THTPA: variants seen among roughly 807,000 people sequenced by gnomAD.
The protein encoded by THTPA is thiamine-triphosphatase.
Under a neutral mutation model 16.5 loss-of-function variants are expected in THTPA, and 16 were observed. The observed-to-expected ratio is 0.97, with a 90% CI of 0.66 to 1.47. THTPA has a LOEUF of 1.47. Among genes scored for constraint, THTPA ranks in the 40% most tolerant of loss-of-function variants. The pLI is 0.00. For synonymous variants in THTPA, 110 were observed against 115.5 expected, an observed-to-expected ratio of 0.95 and a Z score of 0.30; for missense variants, 281 against 280.9, an observed-to-expected ratio of 1.00 and a Z score of 0.00.
the THTPA span, chr14:23,534,998 G>A: frequency 6.5e-7 from 1 of 1,536,010 alleles, no homozygotes; most frequent in Non-Finnish European, 8.7e-7. This position sits in a 1 kb window ranked among gnomAD's most constrained non-coding sequence, Gnocchi z 4.5. Flanking sequence ...TGGTTGCTTA[G>A]GTCCATGGGA....
the THTPA span, chr14:23,526,872 A>T: frequency 1.4e-5 from 21 of 1,533,516 alleles, no homozygotes; most frequent in Non-Finnish European, 1.8e-5. Context: ...TGCTCGGTGT[A>T]GGCTCTGGCC....
At chr14:23,520,399 G>A in the THTPA span, among the ~76,000 whole-genome samples, 1 of 151,640 alleles carries the variant, frequency 6.6e-6, no homozygotes, top group East Asian at 1.9e-4. This position sits in a 1 kb window ranked among gnomAD's most constrained non-coding sequence, Gnocchi z 8.7. Flanking sequence ...GCCTCCAGGG[G>A]GGCAGCAGGG....
the THTPA span, chr14:23,531,876 C>T: frequency 9.2e-5 from 93 of 1,016,336 alleles, no homozygotes; most frequent in Non-Finnish European, 1.1e-4. Context: ...CTCCTGGGTT[C>T]AGTGATTCTC....
chr14:23,525,626 G>A, the THTPA span: 1 of 1,535,902 alleles, frequency 6.5e-7, no homozygotes. This position sits in a 1 kb window ranked among gnomAD's most constrained non-coding sequence, Gnocchi z 5.9. Flanking sequence ...GGCTTTGGCT[G>A]CAGTGCGGGC....
In THTPA at chr14:23,558,750, C is replaced by T. The variant is rs1167670234; in HGVS notation, c.603C>T (p.Phe201=). The part of the protein sequence containing the change: ...PAKLIVYLQR[F]RPQDYQRLLE... ...AGCTGATTGTGTATCTACAGCGTTTCCGGCCTCAAGACTATCAGCGCCTGC... is the reference window on the plus strand; with the variant it reads ...AGCTGATTGTGTATCTACAGCGTTTTCGGCCTCAAGACTATCAGCGCCTGC... The change falls in exon 2 of 2, where the codon TTC becomes TTT. Residue 201 remains phenylalanine, a synonymous_variant. Coordinates refer to ENST00000288014, the MANE Select transcript of THTPA (RefSeq NM_024328.6). 1.2e-6 allele frequency: 2 copies of T among 1,614,096 alleles called. No homozygotes were observed. The highest frequency in any genetic ancestry group is 2.2e-5 in the East Asian group (1 of 44,894).
chr14:23,522,333 G>A, the THTPA span: 50 of 1,533,566 alleles, frequency 3.3e-5, no homozygotes, highest in Admixed American at 7.9e-5. Context: ...CACAGGTAGC[G>A]ATGGGTTACA....
the THTPA span, chr14:23,535,101 C>A: frequency 3.3e-6 from 5 of 1,536,194 alleles, no homozygotes; most frequent in Non-Finnish European, 4.4e-6. The surrounding 1 kb of genome is among the most constrained non-coding windows in gnomAD (Gnocchi z 4.5). Context: ...CTTCCTGGGG[C>A]TCCCCAATCT....
chr14:23,548,206 C>G, the THTPA span, among the ~76,000 whole-genome samples: 7 of 152,184 alleles, frequency 4.6e-5, no homozygotes, highest in African/African-American at 1.7e-4. Context: ...CCGTCTCTGC[C>G]TGCCTTTTGA....
chr14:23,530,677 C>T, the THTPA span: 2 of 341,896 alleles, frequency 5.8e-6, no homozygotes, highest in East Asian at 1.6e-4. Context: ...CGGTGGCAGC[C>T]TAATTAAAGT....
the THTPA span, chr14:23,542,294 G>A: frequency 6.6e-6 from 1 of 152,622 alleles, no homozygotes; most frequent in African/African-American, 2.4e-5. Context: ...GAGGAGAAAA[G>A]GGTAGGCTCA....
chr14:23,515,481 G>A, the THTPA span, among the ~76,000 whole-genome samples: 1 of 152,220 alleles, frequency 6.6e-6, no homozygotes, highest in East Asian at 1.9e-4. Flanking sequence ...TCCATCCCAA[G>A]AAGGGAGATT....
the THTPA span, chr14:23,534,286 G>C: frequency 1.3e-6 from 2 of 1,532,876 alleles, no homozygotes; most frequent in South Asian, 1.2e-5. This position sits in a 1 kb window ranked among gnomAD's most constrained non-coding sequence, Gnocchi z 4.5. Flanking sequence ...TGTGGGTGGA[G>C]AGGGTGGGCT....
the THTPA span, among the ~76,000 whole-genome samples, chr14:23,548,083 C>T: frequency 6.6e-6 from 1 of 152,162 alleles, no homozygotes; most frequent in Non-Finnish European, 1.5e-5. Context: ...TGCATTCTAG[C>T]TTTAGTCTCC....
chr14:23,524,341 C>T, the THTPA span: 676 of 1,536,284 alleles, frequency 4.4e-4, 6 homozygotes, highest in South Asian at 7.5e-3. This position sits in a 1 kb window ranked among gnomAD's most constrained non-coding sequence, Gnocchi z 5.6. Flanking sequence ...TCTCTAGCTG[C>T]TCAGGCAAGA....
Position 23,557,178 on chromosome 14 carries a change from C to A in THTPA, c.421C>A (p.Gln141Lys). 6.2e-7 allele frequency: 1 copy of A among 1,614,142 alleles called. No individual in the cohort carries two copies. Among genetic ancestry groups the A allele is most frequent in the African/African-American group, 1.3e-5 (1 of 75,036 alleles). ...CTTGGGAGCTGATGAAGAGGAGCCA[C>A]AGCTCAGGGTGGACTTGGATACAGC... Reference protein sequence around the residue: ...VLLGADEEEPQLRVDLDTADF... With the variant: ...VLLGADEEEPKLRVDLDTADF... Residue 141 changes from glutamine (Q) to lysine (K), a missense_variant, in exon 1 of 2, where the codon CAG (glutamine) becomes AAG (lysine). Coordinates refer to ENST00000288014, the MANE Select transcript of THTPA (RefSeq NM_024328.6).
At chr14:23,552,148 A>C (rs3759619), upstream of THTPA, among the ~76,000 whole-genome samples, 1 of 151,618 alleles carries the variant, frequency 6.6e-6, no homozygotes, top group East Asian at 1.9e-4. Flanking sequence ...GGGTACTAGA[A>C]CCTTCTCTAC....
chr14:23,538,916 A>G, the THTPA span, among the ~76,000 whole-genome samples: 1 of 152,194 alleles, frequency 6.6e-6, no homozygotes, highest in African/African-American at 2.4e-5. Flanking sequence ...GAAAGAGTCA[A>G]TAAAACGAGA....
chr14:23,541,044 T>C, the THTPA span, among the ~76,000 whole-genome samples: 1 of 151,968 alleles, frequency 6.6e-6, no homozygotes, highest in South Asian at 2.1e-4. Context: ...GTAGCTGGGA[T>C]TACAGGTGCA....
chr14:23,522,605 G>A, the THTPA span: 22 of 1,531,414 alleles, frequency 1.4e-5, no homozygotes, highest in East Asian at 5.4e-4. Context: ...AAAGACAGCT[G>A]GCGGTGCTGT....
Sources: allele counts gnomAD v4.1 joint callset (sites outside exome capture counted in the v4.1 genomes callset), GRCh38; gene constraint gnomAD v4.1.1; non-coding constraint Gnocchi (gnomAD v3.1); transcripts MANE v1.5; gene names NCBI Gene and HGNC (gene_info 2026-07-23, HGNC 2026-07-21).